The following GTF2F1 variants were observed in gnomAD, a reference collection of about 807,000 sequenced individuals.
The protein encoded by GTF2F1 is general transcription factor IIF 74 kDa subunit.
In GTF2F1, 39 loss-of-function variants were observed where a neutral mutation model predicts 63.5. The observed-to-expected ratio is 0.61, with a 90% CI of 0.48 to 0.80. GTF2F1 has a LOEUF of 0.80. Among genes scored for constraint, GTF2F1 ranks in the 30% least tolerant of loss-of-function variants. The pLI is 0.00. For synonymous variants in GTF2F1, 287 were observed against 285.3 expected, an observed-to-expected ratio of 1.01 and a Z score of -0.06; for missense variants, 657 against 718.3, an observed-to-expected ratio of 0.91 and a Z score of 0.97.
At chr19:6,391,460 T>G (rs921848881) in intron 3 of GTF2F1, among the ~76,000 whole-genome samples, 42 of 142,942 alleles carry the variant, frequency 2.9e-4, no homozygotes, top group East Asian at 2.4e-3. Flanking sequence ...TTTTTTTTTT[T>G]TTTTTTTTTT....
At chr19:6,385,069 T>TG (rs2091968939) in intron 5 of GTF2F1, among the ~76,000 whole-genome samples, 1 of 152,006 alleles carries the variant, frequency 6.6e-6, no homozygotes, top group Non-Finnish European at 1.5e-5. Context: ...CCTGAACAGT[T>TG]CTTAGCTAAG....
intron 5 of GTF2F1, among the ~76,000 whole-genome samples, chr19:6,385,020 C>T (rs985483984): frequency 4.6e-5 from 7 of 151,974 alleles, no homozygotes; most frequent in South Asian, 2.1e-4. Context: ...AGGCTGGTCT[C>T]GAACTCTTGA....
intron 3 of GTF2F1, 144 bp downstream of exon 3, chr19:6,391,758 T>A (rs758192195): frequency 1.2e-5 from 7 of 588,938 alleles, no homozygotes; most frequent in Non-Finnish European, 2.1e-5. Flanking sequence ...CAACCCTTTG[T>A]CATCTATCTT....
intron 6 of GTF2F1, among the ~76,000 whole-genome samples, chr19:6,382,237 T>A (rs1599210245): frequency 6.6e-6 from 1 of 152,036 alleles, no homozygotes; most frequent in Non-Finnish European, 1.5e-5. Context: ...ATGCCTGTCA[T>A]CCCAGCACTT....
In GTF2F1 at chr19:6,381,676, G is replaced by A. The variant is rs1444114382; in HGVS notation, c.836+21C>T. 2 of 1,614,018 alleles carry A rather than the reference G, an allele frequency of 1.2e-6. No individual in the cohort carries two copies. The highest frequency in any genetic ancestry group is 1.7e-6 in the Non-Finnish European group (2 of 1,180,044). ...TCGCGAGGCTGCATGGGGTCTCGCA[G>A]GCGCCTCCCGTCGGCCTCACCTGGA... is the stretch of plus-strand genomic sequence containing the variant. On this transcript the variant is annotated intron_variant, in intron 7 of 12. Transcript: ENST00000394456. The surrounding 1 kb of genome is among the most constrained non-coding windows in gnomAD (Gnocchi z 4.1).
rs561964456 is a variant in GTF2F1 at position 6,380,812 on chromosome 19, C to T, written c.1231+92G>A. On this transcript the variant is annotated intron_variant, in intron 11 of 12. Coordinates refer to ENST00000394456, the MANE Select transcript of GTF2F1 (RefSeq NM_002096.3). The surrounding 1 kb of genome is among the most constrained non-coding windows in gnomAD (Gnocchi z 5.3). The stretch of plus-strand genomic sequence containing the variant: ...GATCAGGGAGAGACAGGCCTCCACC[C>T]GCATCTCCATCCCCTCTCTGTCCTG... 8.0e-4 allele frequency: 1,199 copies of T among 1,495,910 alleles called. 6 individuals are homozygous for T. Among genetic ancestry groups the T allele is most frequent in the East Asian group, 5.9e-4 (25 of 42,432 alleles). 92.7% of individuals were successfully genotyped at this position (1,495,910 alleles called of 1,614,324 possible).
At chr19:6,392,248 G>C in intron 2 of GTF2F1, 1 of 519,408 alleles carries the variant, frequency 1.9e-6, no homozygotes, top group Non-Finnish European at 3.7e-6. Flanking sequence ...GGATACGGAA[G>C]ACTCCAAGGA....
At chr19:6,385,078 A>T (rs1466012298) in intron 5 of GTF2F1, among the ~76,000 whole-genome samples, 1 of 152,060 alleles carries the variant, frequency 6.6e-6, no homozygotes, top group African/African-American at 2.4e-5. Context: ...TTCTTAGCTA[A>T]GTAGATTTAA....
chr19:6,392,528 G>A (rs2092004650), intron 2 of GTF2F1: 1 of 551,808 alleles, frequency 1.8e-6, no homozygotes, highest in South Asian at 1.8e-5. Flanking sequence ...ATGTACAAAG[G>A]CCTGGAAAGG....
At chr19:6,387,625 G>T in intron 4 of GTF2F1, 66 bp from the exon 5 acceptor site, 1 of 1,350,984 alleles carries the variant, frequency 7.4e-7, no homozygotes. Context: ...TGTCCCCCCG[G>T]GGCCTGCCTC....
Position 6,387,216 on chromosome 19 carries a change from C to A in GTF2F1, c.497+173G>T, listed in dbSNP as rs2091977059. On this transcript the variant is annotated intron_variant, in intron 5 of 12. Transcript: ENST00000394456. Reference sequence around the variant, plus strand: ...ACCCTCTGGGGTGCCCCATTGTGGCCCTAAGGCCTCCTATCTGTTTCCTCC... The same window carrying A: ...ACCCTCTGGGGTGCCCCATTGTGGCACTAAGGCCTCCTATCTGTTTCCTCC... The A allele has an allele frequency of 6.5e-6, 4 of 617,076 alleles. No homozygotes were observed. In the South Asian group the frequency reaches 8.1e-5, roughly 13 times the overall value. 38.2% of individuals were successfully genotyped at this position (617,076 alleles called of 1,614,324 possible).
Position 6,381,082 on chromosome 19 carries a change from C to CA in GTF2F1, c.1092+39dup, listed in dbSNP as rs766631327. On this transcript the variant is annotated intron_variant, in intron 10 of 12. Transcript: ENST00000394456. This position sits in a 1 kb window ranked among gnomAD's most constrained non-coding sequence, Gnocchi z 4.1. ...GTTGGGAGGTGGGTGAGTCTGCAAA[C>CA]AGACGCCCAGGCCTCCCCCGCCACC... 1.2e-6 allele frequency: 2 copies of CA among 1,606,426 alleles called. No individual in the cohort carries two copies. Among genetic ancestry groups the CA allele is most frequent in the Non-Finnish European group, 1.7e-6 (2 of 1,176,642 alleles).
chr19:6,381,291 A>G lies in GTF2F1; in HGVS notation c.1018+68T>C, dbSNP rs1476287612. 7.1e-6 allele frequency: 11 copies of G among 1,545,630 alleles called. No individual in the cohort carries two copies. The highest frequency in any genetic ancestry group is 9.6e-6 in the Non-Finnish European group (11 of 1,144,460). On this transcript the variant is annotated intron_variant, in intron 9 of 12. Coordinates refer to ENST00000394456, the MANE Select transcript of GTF2F1 (RefSeq NM_002096.3). The surrounding 1 kb of genome is among the most constrained non-coding windows in gnomAD (Gnocchi z 4.1). The stretch of plus-strand genomic sequence containing the variant: ...CAGATGAGGGAGGCCTGCAGGGGAG[A>G]GGGGAGGAGGTGGCAGGGCGCCAGG...
At chr19:6,392,833 T>C (rs764182241) in intron 2 of GTF2F1, 24 bp downstream of exon 2, 19 of 1,603,436 alleles carry the variant, frequency 1.2e-5, no homozygotes, top group Non-Finnish European at 1.5e-5. Flanking sequence ...TGGAGAGGAG[T>C]GGGAGATGGG....
rs45464894 is a variant in GTF2F1 at position 6,381,302 on chromosome 19, T to C, written c.1018+57A>G. 0.081 allele frequency: 124,916 copies of C among 1,541,204 alleles called. 5,783 individuals carry two copies. The highest frequency in any genetic ancestry group is 0.095 in the Non-Finnish European group (108,573 of 1,141,660). ...GGCCTGCAGGGGAGAGGGGAGGAGGTGGCAGGGCGCCAGGGCCCGACCCAA... is the reference window on the plus strand; with the variant it reads ...GGCCTGCAGGGGAGAGGGGAGGAGGCGGCAGGGCGCCAGGGCCCGACCCAA... On this transcript the variant is annotated intron_variant, in intron 9 of 12. Transcript: ENST00000394456. The surrounding 1 kb of genome is among the most constrained non-coding windows in gnomAD (Gnocchi z 4.1).
At position 6,381,532 on chromosome 19, in the gene GTF2F1, G is replaced by C. The variant is rs368420170; in HGVS notation, c.898+22C>G. ...AGGGAAGCACCGCCCCCATCTCCCC[G>C]GCCCGCCCAGCCATCGCCTACCCTT... is the stretch of plus-strand genomic sequence containing the variant. On this transcript the variant is annotated intron_variant, in intron 8 of 12. Transcript: ENST00000394456. The surrounding 1 kb of genome is among the most constrained non-coding windows in gnomAD (Gnocchi z 4.1). The C allele has an allele frequency of 3.6e-5, 58 of 1,611,232 alleles. No homozygotes were observed. Among genetic ancestry groups the C allele is most frequent in the Non-Finnish European group, 4.8e-5 (57 of 1,179,934 alleles).
rs773540815 is a variant in GTF2F1, at chr19:6,379,618, A to C, written c.*663T>G. ...TTGAGACAGAGTCTCACTGTCACCCAGGCTGGAGTGCAGTGGCGTGGTGTC... is the reference window on the plus strand; with the variant it reads ...TTGAGACAGAGTCTCACTGTCACCCCGGCTGGAGTGCAGTGGCGTGGTGTC... On this transcript the variant is annotated 3_prime_UTR_variant, in exon 13 of 13. Transcript: ENST00000394456. 7 of 152,374 alleles carry C rather than the reference A, an allele frequency of 4.6e-5. No homozygotes were observed. The highest frequency in any genetic ancestry group is 7.3e-5 in the Non-Finnish European group (5 of 68,472). The allele number at this position is 152,374 out of a possible 1,614,324, so 9.4% of individuals were successfully genotyped here. A position where few individuals can be genotyped will look rare whatever the true frequency, so the allele number is the denominator to read the frequency against.
chr19:6,388,697 C>A (rs552179654), intron 4 of GTF2F1, among the ~76,000 whole-genome samples: 1 of 152,322 alleles, frequency 6.6e-6, no homozygotes, highest in East Asian at 1.9e-4. Context: ...CCTATAATCC[C>A]AGCACTTTGG....
At chr19:6,392,072 C>A in intron 2 of GTF2F1, 98 bp from the exon 3 acceptor site, 1 of 694,126 alleles carries the variant, frequency 1.4e-6, no homozygotes, top group Non-Finnish European at 2.7e-6. Flanking sequence ...AATCAACCAC[C>A]CAACTGGATC....
Sources: allele counts gnomAD v4.1 joint callset (sites outside exome capture counted in the v4.1 genomes callset), GRCh38; gene constraint gnomAD v4.1.1; non-coding constraint Gnocchi (gnomAD v3.1); transcripts MANE v1.5; gene names NCBI Gene and HGNC (gene_info 2026-07-23, HGNC 2026-07-21).